The following APC variants were observed in gnomAD, a reference collection of about 807,000 sequenced individuals.
APC encodes the protein APC regulator of Wnt signaling pathway, also known as adenomatous polyposis coli protein.
Under a neutral mutation model 247.0 loss-of-function variants are expected in APC, and 72 were observed. The ratio of observed to expected loss-of-function variants is 0.29; its 90% CI spans 0.24 to 0.35. The LOEUF (loss-of-function observed/expected upper bound fraction) is 0.35. APC is among the 10% of genes least tolerant of loss of function. APC has a pLI of 1.00. For missense variants in APC, 3,400 were observed against 3,360.7 expected (o/e 1.01, Z -0.29); for synonymous variants, 1,254 against 1,162.5 (o/e 1.08, Z -1.60).
rs1060503345 is a variant in APC, at chr5:112,819,200, A to G, written c.1168A>G (p.Ile390Val). The G allele has an allele frequency of 1.2e-6, 2 of 1,613,998 alleles. No homozygotes were observed. The highest frequency in any genetic ancestry group is 8.5e-7 in the Non-Finnish European group (1 of 1,179,956). ...RARASAALHN[I>V]IHSQPDDKRG... ...CAGGGCCAGTGCAGCACTCCACAACATCATTCACTCACAGCCTGATGACAA... is the reference window on the plus strand; with the variant it reads ...CAGGGCCAGTGCAGCACTCCACAACGTCATTCACTCACAGCCTGATGACAA... Residue 390 changes from isoleucine (I) to valine (V), a missense_variant, in exon 10 of 16, where the codon ATC (isoleucine) becomes GTC (valine). Coordinates refer to ENST00000257430, the MANE Select transcript of APC (RefSeq NM_000038.6).
chr5:112,809,858 G>A (rs547262270), intron 8 of APC, among the ~76,000 whole-genome samples: 2 of 152,190 alleles, frequency 1.3e-5, no homozygotes, highest in African/African-American at 2.4e-5. Context: ...TTAGCTGGGC[G>A]TGGCAGCGCG....
Position 112,841,353 on chromosome 5 carries a change from G to A in APC, c.5759G>A (p.Arg1920Gln), listed in dbSNP as rs587780599. The A allele has an allele frequency of 3.7e-6, 6 of 1,613,666 alleles. No homozygotes were observed. Among genetic ancestry groups the A allele is most frequent in the South Asian group, 2.2e-5 (2 of 91,074 alleles). ...GCTATTGCAAAGCAGCCAATAAATC[G>A]AGGTCAGCCTAAACCCATACTTCAG... ...TQAIAKQPIN[R>Q]GQPKPILQKQ... Residue 1920 changes from arginine (R) to glutamine (Q), a missense_variant, in exon 16 of 16, where the codon CGA becomes CAA. Transcript: ENST00000257430. The surrounding 1 kb of genome is among the most constrained non-coding windows in gnomAD (Gnocchi z 4.6).
At chr5:112,764,929 T>C (rs552946958) in intron 2 of APC, among the ~76,000 whole-genome samples, 12 of 152,298 alleles carry the variant, frequency 7.9e-5, no homozygotes, top group Admixed American at 2.6e-4. Context: ...ACTGAGCAAA[T>C]TTGTTTTCTA....
chr5:112,717,274 C>A (rs1042720877), intron 1 of APC, among the ~76,000 whole-genome samples: 2 of 152,116 alleles, frequency 1.3e-5, no homozygotes, highest in Non-Finnish European at 2.9e-5. Context: ...CAGGTATGAG[C>A]CACCGTGCCC....
intron 9 of APC, 27 bp downstream of exon 9, chr5:112,815,620 A>G: frequency 6.4e-7 from 1 of 1,559,330 alleles, no homozygotes; most frequent in Non-Finnish European, 8.8e-7. Flanking sequence ...AACCCTGGTC[A>G]CTAATGCCAT....
Position 112,769,894 on chromosome 5 carries a change from A to G in APC, c.422+2504A>G, listed in dbSNP as rs552784196. Among the ~76,000 whole-genome samples, 4 of 152,320 alleles carry G rather than the reference A, an allele frequency of 2.6e-5. No individual in the cohort carries two copies. The South Asian group carries it at 6.2e-4, about 24-fold the overall frequency. ...ACTGTCTTTTATTTCTTAAGTTTAC[A>G]TAAGTCTCTGTTTCATACATTGATC... On this transcript the variant is annotated intron_variant, in intron 4 of 15. Coordinates refer to ENST00000257430, the MANE Select transcript of APC (RefSeq NM_000038.6).
At chr5:112,794,340 C>T (rs746478490) in intron 7 of APC, among the ~76,000 whole-genome samples, 3 of 152,186 alleles carry the variant, frequency 2.0e-5, no homozygotes, top group Middle Eastern at 3.2e-3. Context: ...CTTGGCCTTC[C>T]AAAGTGTGGG....
intron 4 of APC, among the ~76,000 whole-genome samples, chr5:112,768,835 C>T (rs912595100): frequency 2.0e-5 from 3 of 151,208 alleles, no homozygotes; most frequent in Admixed American, 2.0e-4. Context: ...AGAACACAGT[C>T]CTGTACAGTA....
rs888296719 is a variant in APC, at chr5:112,738,194, G to GA, written c.-19+271dup. On this transcript the variant is annotated intron_variant, in intron 1 of 15. Coordinates refer to ENST00000257430, the MANE Select transcript of APC (RefSeq NM_000038.6). ...GAGTCTGCTGAGAAAAGCTGTTTTTGAAGCCAGAAGGGGTTTTTGTTTTTA... is the reference window on the plus strand; with the variant it reads ...GAGTCTGCTGAGAAAAGCTGTTTTTGAAAGCCAGAAGGGGTTTTTGTTTTTA... The GA allele has an allele frequency of 2.3e-5, 19 of 829,940 alleles. No individual in the cohort carries two copies. The African/African-American group carries it at 3.3e-4, about 14-fold the overall frequency. 51.4% of individuals were successfully genotyped at this position (829,940 alleles called of 1,614,324 possible).
Position 112,823,688 on chromosome 5 carries a change from A to G in APC, c.1408+1697A>G, listed in dbSNP as rs2545160. ...AGTTTTAGAATATAATTTCCATGAT[A>G]TATGTTTATTGATTCCCTAATCTAC... On this transcript the variant is annotated intron_variant, in intron 11 of 15. Coordinates refer to ENST00000257430, the MANE Select transcript of APC (RefSeq NM_000038.6). 0.98 allele frequency among the ~76,000 whole-genome samples: 149,443 copies of G among 152,322 alleles called. 73,317 individuals are homozygous for G. Among genetic ancestry groups the G allele is most frequent in the East Asian group, 1 (5,182 of 5,182 alleles).
intron 1 of APC, among the ~76,000 whole-genome samples, chr5:112,712,501 C>G (rs1226852658): frequency 6.6e-6 from 1 of 151,932 alleles, no homozygotes; most frequent in Non-Finnish European, 1.5e-5. Flanking sequence ...GTCCTCCCAT[C>G]TCAGCCCTTA....
At chr5:112,737,840 A>G, upstream of APC, 13 of 985,672 alleles carry the variant, frequency 1.3e-5, no homozygotes, top group Non-Finnish European at 1.6e-5. Context: ...GTGTGGGCGC[A>G]CGTGACCGAC....
intron 7 of APC, among the ~76,000 whole-genome samples, chr5:112,800,706 T>C (rs1760728422): frequency 6.6e-6 from 1 of 152,142 alleles, no homozygotes; most frequent in African/African-American, 2.4e-5. Context: ...TTTTACTGGA[T>C]GTAATCTGTC....
intron 11 of APC, among the ~76,000 whole-genome samples, chr5:112,823,865 A>T (rs2545159): frequency 1.3e-5 from 2 of 151,940 alleles, no homozygotes; most frequent in African/African-American, 4.8e-5. Context: ...ATTTTCTGGC[A>T]CTGTAGCAAA....
chr5:112,781,239 A>G (rs1160376678), intron 6 of APC, among the ~76,000 whole-genome samples: 3 of 152,192 alleles, frequency 2.0e-5, no homozygotes, highest in Non-Finnish European at 2.9e-5. Flanking sequence ...GTATAAAGGC[A>G]TTCAGAACAT....
chr5:112,714,721 C>T (rs1751057767), intron 1 of APC, among the ~76,000 whole-genome samples: 2 of 152,180 alleles, frequency 1.3e-5, no homozygotes, highest in Non-Finnish European at 2.9e-5. Flanking sequence ...TTTCCCTAAA[C>T]ATCTATCCCT....
At chr5:112,826,226 A>T (rs1038619226) in intron 11 of APC, among the ~76,000 whole-genome samples, 4 of 152,180 alleles carry the variant, frequency 2.6e-5, no homozygotes, top group African/African-American at 9.7e-5. Flanking sequence ...TTGCCTGTTT[A>T]TATTCATCTT....
chr5:112,801,709 G>A (rs1277964231), intron 8 of APC, among the ~76,000 whole-genome samples: 4 of 151,764 alleles, frequency 2.6e-5, no homozygotes, highest in Non-Finnish European at 5.9e-5. Context: ...TGCTTGCCTT[G>A]AATAGGTTTG....
intron 8 of APC, among the ~76,000 whole-genome samples, chr5:112,806,218 C>T (rs1221866932): frequency 6.6e-6 from 1 of 152,194 alleles, no homozygotes; most frequent in African/African-American, 2.4e-5. Context: ...ATGTTCCTCT[C>T]GTTTGAAGAC....
Sources: allele counts gnomAD v4.1 joint callset (sites outside exome capture counted in the v4.1 genomes callset), GRCh38; gene constraint gnomAD v4.1.1; non-coding constraint Gnocchi (gnomAD v3.1); transcripts MANE v1.5; gene names NCBI Gene and HGNC (gene_info 2026-07-23, HGNC 2026-07-21).